Variants in FAT3 observed in about 807,000 individuals in gnomAD.
The protein encoded by FAT3 is FAT atypical cadherin 3.
In FAT3, 95 loss-of-function variants were observed where a neutral mutation model predicts 310.2. That is an observed-to-expected ratio of 0.31 (90% CI 0.26 to 0.36). The LOEUF (loss-of-function observed/expected upper bound fraction) is 0.36, where lower values mean the gene tolerates loss of function less well. FAT3 is among the 10% of genes least tolerant of loss of function. FAT3 has a pLI of 1.00. For missense variants in FAT3, 5,408 were observed against 5,715.6 expected (o/e 0.95, Z 1.74); for synonymous variants, 2,314 against 2,192.9 (o/e 1.06, Z -1.54).
Position 92,531,541 on chromosome 11 carries a change from C to A in FAT3, c.3607+6593C>A, listed in dbSNP as rs111636044. ...GCTGGGACCTTATCCTGGGCAGAGGCAGCTCAGAGGTACTTCCTGGAACTA... is the reference window on the plus strand; with the variant it reads ...GCTGGGACCTTATCCTGGGCAGAGGAAGCTCAGAGGTACTTCCTGGAACTA... On this transcript the variant is annotated intron_variant, in intron 3 of 27. Transcript: ENST00000525166. 7.6e-3 allele frequency among the ~76,000 whole-genome samples: 1,151 copies of A among 152,172 alleles called. 14 individuals are homozygous for A. Among genetic ancestry groups the A allele is most frequent in the African/African-American group, 0.025 (1,047 of 41,522 alleles).
chr11:92,493,180 A>AT, intron 2 of FAT3, among the ~76,000 whole-genome samples: 1 of 152,090 alleles, frequency 6.6e-6, no homozygotes, highest in African/African-American at 2.4e-5. Context: ...AGAAATGAAT[A>AT]TTTTTTCCCC....
intron 3 of FAT3, among the ~76,000 whole-genome samples, chr11:92,626,629 T>A (rs945849242): frequency 1.8e-4 from 27 of 152,242 alleles, no homozygotes; most frequent in African/African-American, 6.3e-4. Flanking sequence ...CAGAATGAAC[T>A]GGGGGAGTAA....
intron 2 of FAT3, among the ~76,000 whole-genome samples, chr11:92,450,649 A>T (rs1333857232): frequency 6.6e-6 from 1 of 152,168 alleles, no homozygotes; most frequent in African/African-American, 2.4e-5. Flanking sequence ...CTGTATCTCA[A>T]TCAGGTGAAT....
intron 1 of FAT3, among the ~76,000 whole-genome samples, chr11:92,261,068 A>T (rs1432947268): frequency 6.6e-6 from 1 of 152,112 alleles, no homozygotes; most frequent in Non-Finnish European, 1.5e-5. Context: ...TTCATATTTT[A>T]AAATGCTGTG....
chr11:92,456,244 A>G (rs1452341880), intron 2 of FAT3, among the ~76,000 whole-genome samples: 3 of 152,186 alleles, frequency 2.0e-5, no homozygotes, highest in Non-Finnish European at 4.4e-5. Context: ...CACCTAAACC[A>G]GTGTCTGGTC....
chr11:92,306,733 A>ATT (rs1947144080), intron 1 of FAT3, among the ~76,000 whole-genome samples: 2 of 113,608 alleles, frequency 1.8e-5, no homozygotes, highest in East Asian at 2.5e-4. Context: ...TTATATATAT[A>ATT]TTTATATATA....
At chr11:92,769,494 C>T (rs1184409818) in intron 6 of FAT3, among the ~76,000 whole-genome samples, 1 of 152,190 alleles carries the variant, frequency 6.6e-6, no homozygotes, top group Admixed American at 6.5e-5. Flanking sequence ...AGTTCAGTCC[C>T]TGTATCTTTA....
At chr11:92,595,120 T>G (rs1450850609) in intron 3 of FAT3, among the ~76,000 whole-genome samples, 1 of 152,104 alleles carries the variant, frequency 6.6e-6, no homozygotes, top group Non-Finnish European at 1.5e-5. Flanking sequence ...CTCCTTTTCC[T>G]TTGTAAGATG....
At chr11:92,436,221 C>T (rs1188660628) in intron 2 of FAT3, among the ~76,000 whole-genome samples, 1 of 152,092 alleles carries the variant, frequency 6.6e-6, no homozygotes, top group African/African-American at 2.4e-5. Flanking sequence ...CTCACTGCAG[C>T]CTTGACCTCA....
At chr11:92,468,773 T>A (rs1951837427) in intron 2 of FAT3, among the ~76,000 whole-genome samples, 1 of 152,038 alleles carries the variant, frequency 6.6e-6, no homozygotes, top group Non-Finnish European at 1.5e-5. Context: ...AACCATGAGA[T>A]CTCTTGAGAA....
chr11:92,426,063 A>C (rs1032084784), intron 2 of FAT3, among the ~76,000 whole-genome samples: 1 of 152,144 alleles, frequency 6.6e-6, no homozygotes, highest in Non-Finnish European at 1.5e-5. Flanking sequence ...CTAACTTTTT[A>C]ATGATCGCCA....
chr11:92,688,703 G>T (rs963865182), intron 3 of FAT3, among the ~76,000 whole-genome samples: 5 of 152,090 alleles, frequency 3.3e-5, no homozygotes, highest in Non-Finnish European at 7.4e-5. Context: ...ATCTAGGTCT[G>T]GGGGGAGCCT....
chr11:92,385,755 T>G (rs538453986), intron 2 of FAT3, among the ~76,000 whole-genome samples: 6 of 152,220 alleles, frequency 3.9e-5, no homozygotes, highest in Non-Finnish European at 8.8e-5. Flanking sequence ...CTATTTTCAT[T>G]GCATGGTCAG....
intron 4 of FAT3, among the ~76,000 whole-genome samples, chr11:92,748,389 G>T (rs1591679370): frequency 6.6e-6 from 1 of 152,142 alleles, no homozygotes; most frequent in East Asian, 1.9e-4. Flanking sequence ...GTGAGATTTG[G>T]GTGGGGATAA....
chr11:92,503,600 C>G (rs890886494), intron 2 of FAT3, among the ~76,000 whole-genome samples: 4 of 152,064 alleles, frequency 2.6e-5, no homozygotes, highest in African/African-American at 9.7e-5. Flanking sequence ...ATTGTGCCAC[C>G]TGACTCTAGA....
At chr11:92,643,451 G>T (rs530995182) in intron 3 of FAT3, among the ~76,000 whole-genome samples, 9 of 152,190 alleles carry the variant, frequency 5.9e-5, no homozygotes, top group Non-Finnish European at 1.2e-4. Flanking sequence ...CTGCATGTGA[G>T]TCCTGCTTAG....
chr11:92,689,716 C>T (rs1231513032), intron 3 of FAT3, among the ~76,000 whole-genome samples: 1 of 152,114 alleles, frequency 6.6e-6, no homozygotes, highest in Non-Finnish European at 1.5e-5. Flanking sequence ...CACAGCATCT[C>T]TGGTTCTAAC....
intron 1 of FAT3, among the ~76,000 whole-genome samples, chr11:92,351,811 A>T (rs1470607063): frequency 6.6e-6 from 1 of 152,218 alleles, no homozygotes; most frequent in Non-Finnish European, 1.5e-5. Context: ...AGAATGTAAG[A>T]AATCTTGTAC....
chr11:92,605,886 G>T (rs1205334485), intron 3 of FAT3, among the ~76,000 whole-genome samples: 1 of 152,004 alleles, frequency 6.6e-6, no homozygotes. Context: ...GGGCCCCTTT[G>T]CCAGATTGCT....
Sources: allele counts gnomAD v4.1 joint callset (sites outside exome capture counted in the v4.1 genomes callset), GRCh38; gene constraint gnomAD v4.1.1; transcripts MANE v1.5; gene names NCBI Gene and HGNC (gene_info 2026-07-23, HGNC 2026-07-21).